The following AFAP1L2 variants were observed in gnomAD, a reference collection of about 807,000 sequenced individuals.
The protein encoded by AFAP1L2 is actin filament associated protein 1 like 2, also known as actin filament-associated protein 1-like 2.
A neutral mutation model predicts 99.3 loss-of-function variants in AFAP1L2; 46 were observed. That is an observed-to-expected ratio of 0.46 (90% confidence interval 0.37 to 0.59). The LOEUF (loss-of-function observed/expected upper bound fraction) is 0.59, where lower values mean the gene tolerates loss of function less well. AFAP1L2 is among the 20% of genes least tolerant of loss of function. AFAP1L2 has a pLI of 0.00. For synonymous variants in AFAP1L2, 397 were observed against 419.1 expected, an observed-to-expected ratio of 0.95 and a Z score of 0.64; for missense variants, 959 against 1,034.9, an observed-to-expected ratio of 0.93 and a Z score of 1.01.
intron 18 of AFAP1L2, 84 bp downstream of exon 18, chr10:114,296,894 A>G: frequency 1.2e-6 from 2 of 1,607,760 alleles, no homozygotes; most frequent in East Asian, 2.2e-5. Flanking sequence ...CAAAAGCCAC[A>G]AAGCACCACC....
intron 1 of AFAP1L2, among the ~76,000 whole-genome samples, chr10:114,362,419 G>A (rs1318897689): frequency 6.6e-6 from 1 of 152,210 alleles, no homozygotes; most frequent in Admixed American, 6.5e-5. Flanking sequence ...GTCCTTGTAA[G>A]AGGAAGAAGA....
At chr10:114,394,285 T>C (rs532267143) in intron 1 of AFAP1L2, among the ~76,000 whole-genome samples, 2 of 152,262 alleles carry the variant, frequency 1.3e-5, no homozygotes, top group African/African-American at 2.4e-5. Flanking sequence ...ACAAATTCCA[T>C]TGAGGCCTGC....
intron 5 of AFAP1L2, among the ~76,000 whole-genome samples, chr10:114,318,740 A>AAAAAAAAAAAAAAAAAAAG (rs57370482): frequency 2.4e-5 from 3 of 125,476 alleles, no homozygotes; most frequent in Admixed American, 7.8e-5. Flanking sequence ...GACTCTGTCT[A>AAAAAAAAAAAAAAAAAAAG]AAAAAAAGAA....
rs1445474657 is a variant in AFAP1L2, at chr10:114,327,136, T to G, written c.316-3875A>C. 2.6e-4 allele frequency among the ~76,000 whole-genome samples: 13 copies of G among 50,718 alleles called. 2 individuals are homozygous for G. The South Asian group carries it at 9.0e-3, about 35-fold the overall frequency. The allele number at this position is 50,718 out of a possible 152,430, so 33.3% of individuals were successfully genotyped here. On this transcript the variant is annotated intron_variant, in intron 4 of 18. Coordinates refer to ENST00000304129, the MANE Select transcript of AFAP1L2 (RefSeq NM_001001936.3). ...CATTATGATGGTGAAGACCGTGAAT[T>G]TTATATATATTTATATATATATATA... is the stretch of plus-strand genomic sequence containing the variant.
intron 1 of AFAP1L2, among the ~76,000 whole-genome samples, chr10:114,371,658 TGTGGGGTG>T (rs2054120141): frequency 6.7e-6 from 1 of 150,350 alleles, no homozygotes; most frequent in Admixed American, 6.6e-5. Context: ...TGGGGCCTGT[TGTGGGGTG>T]GGGGGCTAGG....
chr10:114,386,999 T>C (rs902970941), intron 1 of AFAP1L2, among the ~76,000 whole-genome samples: 1 of 152,248 alleles, frequency 6.6e-6, no homozygotes, highest in South Asian at 2.1e-4. Context: ...CAAGTGATCC[T>C]GTATCTAATT....
intron 1 of AFAP1L2, among the ~76,000 whole-genome samples, chr10:114,370,978 G>A (rs1338253134): frequency 6.6e-6 from 1 of 152,210 alleles, no homozygotes; most frequent in Non-Finnish European, 1.5e-5. Context: ...TTAGATGACA[G>A]CAAGACAATA....
At chr10:114,376,715 T>C (rs1046158961) in intron 1 of AFAP1L2, among the ~76,000 whole-genome samples, 3 of 152,228 alleles carry the variant, frequency 2.0e-5, no homozygotes. Context: ...ACCCTGATAA[T>C]GCAGTTGCTG....
intron 8 of AFAP1L2, among the ~76,000 whole-genome samples, chr10:114,309,384 T>C (rs2042875078): frequency 6.6e-6 from 1 of 152,248 alleles, no homozygotes; most frequent in South Asian, 2.1e-4. Flanking sequence ...CTGTGCCTTC[T>C]GGAGAGTAAG....
Position 114,300,476 on chromosome 10 carries a change from C to G in AFAP1L2, c.1757G>C (p.Cys586Ser). The G allele has an allele frequency of 6.2e-7, 1 of 1,613,580 alleles. No homozygotes were observed. The highest frequency in any genetic ancestry group is 8.5e-7 in the Non-Finnish European group (1 of 1,179,532). Residue 586 changes from cysteine (C) to serine (S), a missense_variant, in exon 14 of 19, where the codon TGC (cysteine) becomes TCC (serine). Physicochemically the swap from Cys to Ser is moderately radical, Grantham distance 112. This residue lies in a region of AFAP1L2 where 576 missense variants were observed against 562.1 expected (regional missense o/e 1.02). Coordinates refer to ENST00000304129, the MANE Select transcript of AFAP1L2 (RefSeq NM_001001936.3). ...TCCCAGGTTCTCTGGACACTTTATGCAGGGCTCATCTGGGGTGGGACCTGG... is the reference window on the plus strand; with the variant it reads ...TCCCAGGTTCTCTGGACACTTTATGGAGGGCTCATCTGGGGTGGGACCTGG... The part of the protein sequence containing the change: ...SGPGPTPDEP[C>S]IKCPENLGEQ...
chr10:114,319,862 C>T (rs2044845022), intron 5 of AFAP1L2, among the ~76,000 whole-genome samples: 1 of 152,330 alleles, frequency 6.6e-6, no homozygotes, highest in Non-Finnish European at 1.5e-5. Context: ...GACCCCTTCA[C>T]ATCCAGAGAT....
chr10:114,386,947 C>G (rs1395577116), intron 1 of AFAP1L2, among the ~76,000 whole-genome samples: 7 of 152,246 alleles, frequency 4.6e-5, no homozygotes, highest in African/African-American at 1.7e-4. Flanking sequence ...ATGAACTTCA[C>G]TGGCCTGACT....
At position 114,329,197 on chromosome 10, in the gene AFAP1L2, C is replaced by T. The variant is rs543411584; in HGVS notation, c.315+2606G>A. Among the ~76,000 whole-genome samples, 44 of 152,292 alleles carry T rather than the reference C, an allele frequency of 2.9e-4. No homozygotes were observed. The East Asian group carries it at 8.5e-3, about 29-fold the overall frequency. ...ACAAGCCCTAGTCACAGACGACAAT[C>T]CAGGAAGTCTACTTCAGAGGGGGCC... On this transcript the variant is annotated intron_variant, in intron 4 of 18. Coordinates refer to ENST00000304129, the MANE Select transcript of AFAP1L2 (RefSeq NM_001001936.3).
intron 1 of AFAP1L2, among the ~76,000 whole-genome samples, chr10:114,365,722 T>TC (rs2053132711): frequency 9.0e-6 from 1 of 110,626 alleles, no homozygotes; most frequent in South Asian, 2.8e-4. Flanking sequence ...TCTCTCTCTC[T>TC]CTTTTTTTTT....
At chr10:114,355,687 C>A (rs185145625) in intron 1 of AFAP1L2, among the ~76,000 whole-genome samples, 2 of 152,096 alleles carry the variant, frequency 1.3e-5, no homozygotes, top group African/African-American at 4.8e-5. Flanking sequence ...AAATTTCTGT[C>A]GGGTCCGGGC....
chr10:114,286,329 G>A, the AFAP1L2 span: 1 of 1,612,888 alleles, frequency 6.2e-7, no homozygotes, highest in Admixed American at 1.7e-5. Context: ...GAGGTTGCGG[G>A]CCCAGCGCGT....
the AFAP1L2 span, chr10:114,282,707 G>A: frequency 4.2e-4 from 300 of 710,992 alleles, no homozygotes; most frequent in African/African-American, 4.9e-3. Flanking sequence ...GGCACTTGGG[G>A]GGCAGAGGAG....
chr10:114,363,122 T>C (rs2052681722), intron 1 of AFAP1L2: 2 of 985,372 alleles, frequency 2.0e-6, no homozygotes, highest in South Asian at 4.7e-5. Context: ...CGTCGTCATC[T>C]TGCAGGAGCA....
intron 4 of AFAP1L2, among the ~76,000 whole-genome samples, chr10:114,324,636 A>T (rs868334362): frequency 1.3e-5 from 2 of 152,144 alleles, no homozygotes; most frequent in Admixed American, 6.5e-5. Flanking sequence ...ATTCCCTCCC[A>T]CTCTTGATTT....
Sources: gnomAD v4.1 joint callset for allele counts (sites outside exome capture counted in the v4.1 genomes callset) on GRCh38, gnomAD v4.1.1 for gene constraint, gnomAD v4.1.1 regional missense constraint, MANE v1.5 for transcripts, NCBI Gene and HGNC (gene_info 2026-07-23, HGNC 2026-07-21) for gene names.